Variants in FOXP1 observed in about 807,000 individuals in gnomAD.
FOXP1 encodes forkhead box P1, also known as forkhead box protein P1.
Under a neutral mutation model 98.2 loss-of-function variants are expected in FOXP1, and 15 were observed. That is an observed-to-expected ratio of 0.15 (90% confidence interval 0.10 to 0.24). The LOEUF is 0.24. FOXP1 is among the 10% of genes least tolerant of loss of function. The pLI is 1.00. For synonymous variants in FOXP1, 371 were observed against 314.5 expected, an observed-to-expected ratio of 1.18 and a Z score of -1.90; for missense variants, 633 against 848.5, an observed-to-expected ratio of 0.75 and a Z score of 3.15.
At chr3:71,042,904 T>C (rs1299178622) in intron 10 of FOXP1, among the ~76,000 whole-genome samples, 1 of 152,216 alleles carries the variant, frequency 6.6e-6, no homozygotes, top group Non-Finnish European at 1.5e-5. Flanking sequence ...ATTTTAATTA[T>C]GCTAGCATTG....
intron 6 of FOXP1, among the ~76,000 whole-genome samples, chr3:71,145,528 C>T (rs531536433): frequency 1.3e-5 from 2 of 152,100 alleles, no homozygotes; most frequent in East Asian, 3.9e-4. Context: ...GGTGAAAGAG[C>T]GAGACTCCAT....
At chr3:71,062,559 A>G (rs2051676486) in intron 7 of FOXP1, among the ~76,000 whole-genome samples, 1 of 152,252 alleles carries the variant, frequency 6.6e-6, no homozygotes, top group Non-Finnish European at 1.5e-5. Context: ...ATCATAGCTT[A>G]GCCATGATGC....
At chr3:71,529,620 G>A (rs1249456234) in intron 2 of FOXP1, among the ~76,000 whole-genome samples, 1 of 152,182 alleles carries the variant, frequency 6.6e-6, no homozygotes, top group Non-Finnish European at 1.5e-5. Flanking sequence ...AGGTTAAGTT[G>A]ATCACCAATA....
intron 2 of FOXP1, among the ~76,000 whole-genome samples, chr3:71,534,130 A>G (rs552142058): frequency 3.4e-4 from 52 of 152,338 alleles, no homozygotes; most frequent in African/African-American, 1.2e-3. Flanking sequence ...TTGGGAGGCC[A>G]AGGCAGGCGG....
chr3:71,018,276 TAAC>T (rs2044815816), intron 11 of FOXP1, among the ~76,000 whole-genome samples: 1 of 152,182 alleles, frequency 6.6e-6, no homozygotes, highest in South Asian at 2.1e-4. Flanking sequence ...AAAGGACAGA[TAAC>T]GACACACTAG....
chr3:71,230,250 A>T (rs1440292217), intron 5 of FOXP1, among the ~76,000 whole-genome samples: 1 of 152,210 alleles, frequency 6.6e-6, no homozygotes, highest in African/African-American at 2.4e-5. Flanking sequence ...TTTCAAATGG[A>T]TCGCTTTCTT....
In FOXP1 at chr3:71,372,057, G is replaced by A. The variant is rs150655868; in HGVS notation, c.-167-12813C>T. On this transcript the variant is annotated intron_variant, in intron 3 of 20. Transcript: ENST00000649528. ...AGATGGAGTCTTGCTCTGTCACCCA[G>A]GCTGGAGTGCAGTGGCACGATCTCA... Among the ~76,000 whole-genome samples the A allele has an allele frequency of 7.3e-3, 1,106 of 150,842 alleles. 12 individuals carry two copies. The highest frequency in any genetic ancestry group is 0.026 in the African/African-American group (1,056 of 41,064).
At chr3:71,205,169 T>C (rs2063942146) in intron 5 of FOXP1, among the ~76,000 whole-genome samples, 1 of 152,214 alleles carries the variant, frequency 6.6e-6, no homozygotes, top group Admixed American at 6.5e-5. Context: ...ACTACAGTCC[T>C]GGTCTGATAA....
At chr3:71,542,027 T>C (rs1378127670) in intron 2 of FOXP1, 2 of 533,914 alleles carry the variant, frequency 3.7e-6, no homozygotes, top group African/African-American at 1.9e-5. Context: ...CTTTCCAATA[T>C]ATAAAATTTA....
intron 14 of FOXP1, among the ~76,000 whole-genome samples, chr3:70,985,365 T>C (rs886699547): frequency 6.6e-6 from 1 of 152,128 alleles, no homozygotes; most frequent in Non-Finnish European, 1.5e-5. Context: ...ATCAAGGGTT[T>C]GCTGTATGTG....
At chr3:71,499,762 G>A (rs1451427222) in intron 2 of FOXP1, among the ~76,000 whole-genome samples, 1 of 152,218 alleles carries the variant, frequency 6.6e-6, no homozygotes. Flanking sequence ...AGTGGGTGGA[G>A]CGGGCTCCAT....
chr3:71,441,648 A>T (rs1367819495), intron 3 of FOXP1, among the ~76,000 whole-genome samples: 1 of 152,194 alleles, frequency 6.6e-6, no homozygotes, highest in Non-Finnish European at 1.5e-5. Context: ...TGGAATTTTA[A>T]ATCAGTCCTA....
chr3:71,236,363 C>T (rs1463169709), intron 5 of FOXP1, among the ~76,000 whole-genome samples: 2 of 152,118 alleles, frequency 1.3e-5, no homozygotes, highest in African/African-American at 4.8e-5. Context: ...TGCTATGGGC[C>T]AAGTTCTCTG....
At chr3:71,157,830 T>C (rs1472935048) in intron 6 of FOXP1, among the ~76,000 whole-genome samples, 1 of 151,832 alleles carries the variant, frequency 6.6e-6, no homozygotes, top group African/African-American at 2.4e-5. Context: ...CTCATGCCTA[T>C]AATCCCAGCA....
intron 4 of FOXP1, among the ~76,000 whole-genome samples, chr3:71,357,963 A>G (rs78638352): frequency 6.6e-6 from 1 of 152,188 alleles, no homozygotes; most frequent in Admixed American, 6.5e-5. Context: ...GAAAAAAAAA[A>G]CTAGAAGATT....
At chr3:70,986,875 C>T (rs948546829) in intron 14 of FOXP1, among the ~76,000 whole-genome samples, 18 of 152,190 alleles carry the variant, frequency 1.2e-4, no homozygotes, top group Non-Finnish European at 2.4e-4. Context: ...CTGCCAACTG[C>T]ATCTTGGCAG....
chr3:71,574,959 A>G (rs2047614654), intron 2 of FOXP1, among the ~76,000 whole-genome samples: 2 of 152,178 alleles, frequency 1.3e-5, no homozygotes, highest in Admixed American at 1.3e-4. Flanking sequence ...ACAATGGCCA[A>G]CCAATTCAAT....
At chr3:71,466,325 C>G (rs1007298091) in intron 3 of FOXP1, among the ~76,000 whole-genome samples, 3 of 152,198 alleles carry the variant, frequency 2.0e-5, no homozygotes, top group African/African-American at 7.2e-5. Context: ...CAGAAAACAA[C>G]TTTCCCCAGC....
At chr3:71,079,352 A>G (rs2054166756) in intron 7 of FOXP1, among the ~76,000 whole-genome samples, 1 of 152,166 alleles carries the variant, frequency 6.6e-6, no homozygotes. Context: ...TTCACTCTAC[A>G]CTAGTACCAT....
Sources: allele counts gnomAD v4.1 joint callset (sites outside exome capture counted in the v4.1 genomes callset), GRCh38; gene constraint gnomAD v4.1.1; transcripts MANE v1.5; gene names NCBI Gene and HGNC (gene_info 2026-07-23, HGNC 2026-07-21).